The following CNTN4 variants were observed in gnomAD, a reference collection of about 807,000 sequenced individuals.
CNTN4 encodes contactin-4.
Under a neutral mutation model 122.5 loss-of-function variants are expected in CNTN4, and 77 were observed. That is an observed-to-expected ratio of 0.63 (90% CI 0.52 to 0.76). The LOEUF is 0.76. Ranked by LOEUF, CNTN4 falls within the 30% of genes least tolerant of loss-of-function variation. The probability of loss-of-function intolerance (pLI) is 0.00; values close to 1 mark genes in which losing one functional copy is unlikely to be tolerated. For synonymous variants in CNTN4, 512 were observed against 447.0 expected, an observed-to-expected ratio of 1.15 and a Z score of -1.83; for missense variants, 1,256 against 1,259.1, an observed-to-expected ratio of 1.00 and a Z score of 0.04.
chr3:2,601,796 G>C (rs992662984), intron 4 of CNTN4, among the ~76,000 whole-genome samples: 1 of 152,044 alleles, frequency 6.6e-6, no homozygotes, highest in Non-Finnish European at 1.5e-5. Flanking sequence ...CAAAAAAAGA[G>C]AATTTTAGAC....
chr3:2,635,873 C>T (rs1184377168), intron 4 of CNTN4, among the ~76,000 whole-genome samples: 1 of 152,164 alleles, frequency 6.6e-6, no homozygotes, highest in African/African-American at 2.4e-5. Flanking sequence ...CTGAAACTTA[C>T]CAGATCACCA....
At position 3,056,476 on chromosome 3, in the gene CNTN4, G is replaced by A. The variant is rs1392795797; in HGVS notation, c.*256G>A. 3 of 292,622 alleles carry A rather than the reference G, an allele frequency of 1.0e-5. No homozygotes were observed. Among genetic ancestry groups the A allele is most frequent in the Admixed American group, 4.7e-5 (1 of 21,454 alleles). 18.1% of individuals were successfully genotyped at this position (292,622 alleles called of 1,614,324 possible). A position where few individuals can be genotyped will look rare whatever the true frequency, so the allele number is the denominator to read the frequency against. On this transcript the variant is annotated 3_prime_UTR_variant, in exon 25 of 25. Transcript: ENST00000418658. ...GATGTTACCAAAGCAGTTTACATAT[G>A]TCCTTATATGCATATTTTTTATTAT...
At chr3:2,469,518 A>G (rs891423355) in intron 3 of CNTN4, among the ~76,000 whole-genome samples, 1 of 152,202 alleles carries the variant, frequency 6.6e-6, no homozygotes, top group African/African-American at 2.4e-5. Context: ...TAACTCTTAA[A>G]AGGAAAAATG....
chr3:2,602,139 C>G (rs566668315), intron 4 of CNTN4, among the ~76,000 whole-genome samples: 1 of 152,246 alleles, frequency 6.6e-6, no homozygotes, highest in South Asian at 2.1e-4. Flanking sequence ...CAATATCATA[C>G]TAAGTGGGCA....
At chr3:2,950,057 A>G (rs1234981349) in intron 13 of CNTN4, among the ~76,000 whole-genome samples, 3 of 152,362 alleles carry the variant, frequency 2.0e-5, no homozygotes, top group Admixed American at 6.5e-5. Context: ...GTTTGCATCC[A>G]GCTTAACTGC....
chr3:2,276,711 C>A (rs2041523078), intron 2 of CNTN4, among the ~76,000 whole-genome samples: 1 of 151,904 alleles, frequency 6.6e-6, no homozygotes, highest in African/African-American at 2.4e-5. Flanking sequence ...ACTTGTAGAC[C>A]AAGGGATTTG....
At chr3:2,350,770 C>T (rs975414693) in intron 3 of CNTN4, among the ~76,000 whole-genome samples, 1 of 152,144 alleles carries the variant, frequency 6.6e-6, no homozygotes, top group Admixed American at 6.5e-5. Context: ...AAATGACTCA[C>T]TAACCAACGA....
At chr3:2,679,843 G>C (rs1015162994) in intron 4 of CNTN4, among the ~76,000 whole-genome samples, 1 of 152,034 alleles carries the variant, frequency 6.6e-6, no homozygotes, top group Non-Finnish European at 1.5e-5. Flanking sequence ...TTATGTGGTT[G>C]GATTTTTATT....
At chr3:2,388,413 C>G (rs1005207117) in intron 3 of CNTN4, among the ~76,000 whole-genome samples, 18 of 152,318 alleles carry the variant, frequency 1.2e-4, no homozygotes, top group African/African-American at 4.1e-4. Context: ...GGAGCCCACA[C>G]TGGCCTCCCT....
In CNTN4 at chr3:3,056,268, G is replaced by C. The variant is rs1329975837; in HGVS notation, c.*48G>C. The C allele has an allele frequency of 7.2e-7, 1 of 1,395,808 alleles. No individual in the cohort carries two copies. Among genetic ancestry groups the C allele is most frequent in the Admixed American group, 1.7e-5 (1 of 59,642 alleles). 86.5% of individuals were successfully genotyped at this position (1,395,808 alleles called of 1,614,324 possible). The stretch of plus-strand genomic sequence containing the variant: ...CTGTTTATAATATAAGCAACATTTA[G>C]CTAGTTGTTTTGAAGACACCCAGTA... On this transcript the variant is annotated 3_prime_UTR_variant, in exon 25 of 25. Transcript: ENST00000418658.
At chr3:2,891,273 C>A (rs534695567) in intron 10 of CNTN4, among the ~76,000 whole-genome samples, 4 of 152,080 alleles carry the variant, frequency 2.6e-5, no homozygotes, top group East Asian at 3.9e-4. Context: ...AAACCAGCTC[C>A]GTCTCTACTA....
intron 14 of CNTN4, among the ~76,000 whole-genome samples, chr3:3,009,890 G>C (rs986242936): frequency 2.0e-5 from 3 of 151,220 alleles, no homozygotes; most frequent in Admixed American, 1.3e-4. Context: ...TAAGAACTGG[G>C]CCATTTCCTT....
chr3:2,712,096 G>C (rs2087186129), intron 4 of CNTN4, among the ~76,000 whole-genome samples: 1 of 152,166 alleles, frequency 6.6e-6, no homozygotes, highest in Non-Finnish European at 1.5e-5. Context: ...TAAAAATGCA[G>C]TCTATGGAGG....
At chr3:2,714,080 G>A (rs530467058) in intron 4 of CNTN4, among the ~76,000 whole-genome samples, 66 of 152,226 alleles carry the variant, frequency 4.3e-4, no homozygotes, top group African/African-American at 1.6e-3. Flanking sequence ...AATCATAATA[G>A]CACTAGCAAT....
At chr3:3,049,027 GA>G (rs1700977341) in intron 23 of CNTN4, among the ~76,000 whole-genome samples, 1 of 152,166 alleles carries the variant, frequency 6.6e-6, no homozygotes, top group Admixed American at 6.6e-5. Context: ...AGTCCATTCA[GA>G]AACTACTACT....
At chr3:2,225,123 C>T (rs1304445507) in intron 2 of CNTN4, among the ~76,000 whole-genome samples, 1 of 151,030 alleles carries the variant, frequency 6.6e-6, no homozygotes, top group African/African-American at 2.4e-5. Context: ...TGCACTCCAG[C>T]CTGGGCGACA....
At chr3:2,503,838 C>T (rs1439724735) in intron 3 of CNTN4, among the ~76,000 whole-genome samples, 1 of 151,824 alleles carries the variant, frequency 6.6e-6, no homozygotes, top group Non-Finnish European at 1.5e-5. Context: ...AATCATTGAG[C>T]AAAGGAGGTT....
At chr3:2,708,209 G>C (rs1345067214) in intron 4 of CNTN4, among the ~76,000 whole-genome samples, 1 of 152,130 alleles carries the variant, frequency 6.6e-6, no homozygotes, top group South Asian at 2.1e-4. Flanking sequence ...CTGGTGACAT[G>C]AAGTTAAAAT....
At chr3:2,469,478 T>C (rs990536590) in intron 3 of CNTN4, among the ~76,000 whole-genome samples, 3 of 152,210 alleles carry the variant, frequency 2.0e-5, no homozygotes, top group Non-Finnish European at 2.9e-5. Context: ...TTATGGACTT[T>C]GAGTCTTTTA....
Sources: allele counts gnomAD v4.1 joint callset (sites outside exome capture counted in the v4.1 genomes callset), GRCh38; gene constraint gnomAD v4.1.1; transcripts MANE v1.5; gene names NCBI Gene and HGNC (gene_info 2026-07-23, HGNC 2026-07-21).